Variants in NRG1 observed in about 807,000 individuals in gnomAD.
NRG1 encodes pro-neuregulin-1, membrane-bound isoform.
In NRG1, 18 loss-of-function variants were observed where a neutral mutation model predicts 63.8. That is an observed-to-expected ratio of 0.28 (90% CI 0.19 to 0.42). The LOEUF is 0.42. NRG1 is among the 10% of genes least tolerant of loss of function. The probability of loss-of-function intolerance (pLI) is 1.00; values close to 1 mark genes in which losing one functional copy is unlikely to be tolerated. For synonymous variants in NRG1, 302 were observed against 301.3 expected (o/e 1.00, Z -0.02); for missense variants, 762 against 814.7 (o/e 0.94, Z 0.79).
intron 1 of NRG1, among the ~76,000 whole-genome samples, chr8:31,675,581 C>T (rs1235055111): frequency 2.0e-5 from 3 of 152,144 alleles, no homozygotes; most frequent in Non-Finnish European, 4.4e-5. Context: ...TGGATTTCCA[C>T]TTGGAGCTTT....
At chr8:32,210,310 T>C (rs1002275383) in intron 1 of NRG1, among the ~76,000 whole-genome samples, 4 of 152,174 alleles carry the variant, frequency 2.6e-5, no homozygotes, top group Non-Finnish European at 5.9e-5. Context: ...CAAGTACATA[T>C]TCCAGTGATC....
At chr8:32,723,182 A>C (rs546749341) in intron 5 of NRG1, among the ~76,000 whole-genome samples, 1 of 152,308 alleles carries the variant, frequency 6.6e-6, no homozygotes, top group South Asian at 2.1e-4. Flanking sequence ...GAATTTTCTA[A>C]GACAGGTAGA....
At chr8:32,141,452 G>T (rs376935532) in intron 1 of NRG1, among the ~76,000 whole-genome samples, 6 of 151,250 alleles carry the variant, frequency 4.0e-5, no homozygotes, top group African/African-American at 1.2e-4. Context: ...TGAAATTTTG[G>T]CCAGGGAAAC....
At chr8:31,957,435 A>G (rs1336793948) in intron 1 of NRG1, among the ~76,000 whole-genome samples, 1 of 152,148 alleles carries the variant, frequency 6.6e-6, no homozygotes, top group South Asian at 2.1e-4. Context: ...TATGTTGCCT[A>G]TTTAGTCTGT....
At chr8:32,359,014 C>T (rs369915836) in intron 1 of NRG1, among the ~76,000 whole-genome samples, 16 of 152,130 alleles carry the variant, frequency 1.1e-4, no homozygotes, top group Admixed American at 2.6e-4. Context: ...AAGGAAGAAA[C>T]GATTGATGCA....
chr8:31,863,514 T>C (rs930087460), intron 1 of NRG1, among the ~76,000 whole-genome samples: 1 of 152,216 alleles, frequency 6.6e-6, no homozygotes, highest in Non-Finnish European at 1.5e-5. Context: ...ACATATGTCA[T>C]ATTTACAAAT....
chr8:32,087,270 C>T (rs2131223155), intron 1 of NRG1, among the ~76,000 whole-genome samples: 1 of 152,064 alleles, frequency 6.6e-6, no homozygotes, highest in African/African-American at 2.4e-5. Context: ...TAAGTTTTTG[C>T]TCTGAGTTCA....
Position 31,820,102 on chromosome 8 carries a change from C to T in NRG1, c.37+180671C>T, listed in dbSNP as rs574314804. Among the ~76,000 whole-genome samples, 36 of 152,248 alleles carry T rather than the reference C, an allele frequency of 2.4e-4. No homozygotes were observed. The South Asian group carries it at 7.3e-3, about 31-fold the overall frequency. On this transcript the variant is annotated intron_variant, in intron 1 of 10. Transcript: ENST00000519301. ...TGATTTTTATGTATTTAGTCATATG[C>T]TATTAGGGAATAGATATCTCTAGAT...
At chr8:32,436,560 C>G (rs1818815534) in intron 1 of NRG1, among the ~76,000 whole-genome samples, 1 of 152,168 alleles carries the variant, frequency 6.6e-6, no homozygotes, top group Non-Finnish European at 1.5e-5. Context: ...TTTCCTACTT[C>G]ATCTTCAATT....
At chr8:32,066,820 G>T (rs981144304) in intron 1 of NRG1, among the ~76,000 whole-genome samples, 1 of 152,122 alleles carries the variant, frequency 6.6e-6, no homozygotes, top group Non-Finnish European at 1.5e-5. Flanking sequence ...CTATCCATGA[G>T]CATGGAATGT....
chr8:31,639,606 A>T, intron 1 of NRG1: 3 of 1,406,666 alleles, frequency 2.1e-6, no homozygotes, highest in Non-Finnish European at 9.3e-7. Flanking sequence ...CCCGCGGAGC[A>T]GCTCCTCCAC....
chr8:32,164,995 A>G (rs761659240), intron 1 of NRG1, among the ~76,000 whole-genome samples: 1 of 152,144 alleles, frequency 6.6e-6, no homozygotes, highest in Non-Finnish European at 1.5e-5. Flanking sequence ...ATAAAATGAG[A>G]GGGTTTTGAC....
chr8:32,160,101 G>A (rs1408551982), intron 1 of NRG1, among the ~76,000 whole-genome samples: 1 of 152,162 alleles, frequency 6.6e-6, no homozygotes, highest in Non-Finnish European at 1.5e-5. Flanking sequence ...GGATGATGAA[G>A]GATGGGGCAG....
chr8:32,394,287 A>G (rs1563403666), intron 1 of NRG1, among the ~76,000 whole-genome samples: 1 of 152,176 alleles, frequency 6.6e-6, no homozygotes, highest in Non-Finnish European at 1.5e-5. Context: ...ATAAATCAGG[A>G]GAGACAATGC....
intron 5 of NRG1, among the ~76,000 whole-genome samples, chr8:32,661,625 T>C (rs1802874743): frequency 7.8e-6 from 1 of 127,486 alleles, no homozygotes; most frequent in African/African-American, 2.9e-5. Flanking sequence ...CATTTAGGGC[T>C]TTTTTTTTTT....
chr8:32,147,695 C>T (rs1837026434), intron 1 of NRG1, among the ~76,000 whole-genome samples: 2 of 152,130 alleles, frequency 1.3e-5, no homozygotes, highest in African/African-American at 2.4e-5. Context: ...GTCTTCTGGT[C>T]CAAGCTTGGT....
chr8:32,760,238 G>A (rs771326603), exon 11 of NRG1: 2 of 1,614,052 alleles, frequency 1.2e-6, no homozygotes, highest in Non-Finnish European at 1.7e-6. Context: ...CTTTCCGAAA[G>A]CCACTCTGTA....
intron 6 of NRG1, among the ~76,000 whole-genome samples, chr8:32,739,286 C>T (rs151204265): frequency 6.6e-6 from 1 of 152,178 alleles, no homozygotes; most frequent in African/African-American, 2.4e-5. Context: ...CTTCTTATTC[C>T]ATAGTTCTCG....
chr8:32,568,909 A>G (rs530687184), intron 1 of NRG1, among the ~76,000 whole-genome samples: 2 of 152,320 alleles, frequency 1.3e-5, no homozygotes, highest in East Asian at 3.9e-4. Context: ...ATTATAAATA[A>G]GAACAAAAGT....
Sources: allele counts gnomAD v4.1 joint callset (sites outside exome capture counted in the v4.1 genomes callset), GRCh38; gene constraint gnomAD v4.1.1; transcripts MANE v1.5; gene names NCBI Gene and HGNC (gene_info 2026-07-23, HGNC 2026-07-21).